Variants in OVCH1 observed in about 807,000 individuals in gnomAD.
OVCH1 encodes ovochymase-1.
A neutral mutation model predicts 138.4 loss-of-function variants in OVCH1; 139 were observed. The observed-to-expected ratio is 1.00, with a 90% CI of 0.87 to 1.16. The LOEUF is 1.16. Ranked by LOEUF, OVCH1 falls within the 50% of genes most tolerant of loss-of-function variation. The pLI is 0.00. For missense variants in OVCH1, 1,367 were observed against 1,357.9 expected, an observed-to-expected ratio of 1.01 and a Z score of -0.11; for synonymous variants, 453 against 467.8, an observed-to-expected ratio of 0.97 and a Z score of 0.41.
the OVCH1 span, among the ~76,000 whole-genome samples, chr12:29,403,376 G>A: frequency 6.6e-6 from 1 of 152,130 alleles, no homozygotes; most frequent in African/African-American, 2.4e-5. Flanking sequence ...TGTGTCATTT[G>A]ATAATCAATG....
chr12:29,469,708 CG>C (rs1436863297), intron 16 of OVCH1, among the ~76,000 whole-genome samples: 1 of 128,746 alleles, frequency 7.8e-6, no homozygotes, highest in Non-Finnish European at 1.7e-5. Flanking sequence ...AGCAAGACCC[CG>C]TGTCTTAAAA....
At chr12:29,412,094 G>A (rs1052612468), downstream of OVCH1, among the ~76,000 whole-genome samples, 21 of 152,200 alleles carry the variant, frequency 1.4e-4, no homozygotes, top group African/African-American at 3.9e-4. Context: ...CTCCATGGGC[G>A]TAGGACCCTC....
intron 3 of OVCH1, among the ~76,000 whole-genome samples, chr12:29,422,072 G>A (rs1592025449): frequency 6.6e-6 from 1 of 152,114 alleles, no homozygotes; most frequent in East Asian, 1.9e-4. Context: ...ACTCAAAACT[G>A]TTTTCACTGC....
intron 20 of OVCH1, 55 bp from the exon 21 acceptor site, chr12:29,454,988 T>C: frequency 3.5e-6 from 5 of 1,426,426 alleles, no homozygotes; most frequent in Non-Finnish European, 4.9e-6. Context: ...GAACAAAATA[T>C]AGTGGGCACT....
chr12:29,433,384 C>T lies in OVCH1; in HGVS notation c.3327+367G>A, dbSNP rs142997944. ...CTCTCTTGCCTGCTGCCACATAAGA[C>T]GTGCCTTTACTCCTCTTTCACCTTC... is the stretch of plus-strand genomic sequence containing the variant. On this transcript the variant is annotated intron_variant, in intron 27 of 27. Transcript: ENST00000318184. Among the ~76,000 whole-genome samples the T allele has an allele frequency of 7.9e-4, 121 of 152,240 alleles. 1 individual carries two copies. The East Asian group carries it at 0.021, about 27-fold the overall frequency.
the OVCH1 span, among the ~76,000 whole-genome samples, chr12:29,402,218 A>G: frequency 8.5e-5 from 13 of 152,308 alleles, no homozygotes; most frequent in Admixed American, 8.5e-4. Context: ...ATCTAATAAA[A>G]AGAAGAGATC....
In OVCH1 at chr12:29,477,474, C is replaced by A; in HGVS notation, c.1114-1G>T. ...GTGAAGGCAATATTTTTCCACAGACCTTACCTTAAAAGAAGAGAAGGAAAG... is the reference window on the plus strand; with the variant it reads ...GTGAAGGCAATATTTTTCCACAGACATTACCTTAAAAGAAGAGAAGGAAAG... On this transcript the variant is annotated splice_acceptor_variant, in intron 10 of 27. Coordinates refer to ENST00000318184, the Ensembl canonical transcript of OVCH1. LOFTEE classifies it high-confidence loss of function. 1.9e-6 allele frequency: 3 copies of A among 1,613,940 alleles called. No individual in the cohort carries two copies. Among genetic ancestry groups the A allele is most frequent in the Non-Finnish European group, 2.5e-6 (3 of 1,179,870 alleles).
chr12:29,419,373 C>T (rs1813641), intron 3 of OVCH1, among the ~76,000 whole-genome samples: 29,797 of 151,296 alleles, frequency 0.2, 3,127 homozygotes, highest in East Asian at 0.36. Flanking sequence ...CTGCAAGCTC[C>T]GCCTCCCAGG....
Position 29,487,742 on chromosome 12 carries a change from GA to G in OVCH1, c.842del (p.Phe281SerfsTer7). The G allele has an allele frequency of 6.2e-7, 1 of 1,605,416 alleles. No individual in the cohort carries two copies. Among genetic ancestry groups the G allele is most frequent in the Admixed American group, 1.7e-5 (1 of 58,922 alleles). ...AATCCATCAACTCAGACACTTTGGAGAAAATGCCAAGTGATGCCTTCACATG... is the reference window on the plus strand; with the variant it reads ...AATCCATCAACTCAGACACTTTGGAGAAATGCCAAGTGATGCCTTCACATG... On this transcript the variant is annotated frameshift_variant, in exon 7 of 28. Coordinates refer to ENST00000318184, the Ensembl canonical transcript of OVCH1. LOFTEE classifies it high-confidence loss of function.
At chr12:29,432,557 T>G (rs1232325577) in intron 27 of OVCH1, among the ~76,000 whole-genome samples, 1 of 152,160 alleles carries the variant, frequency 6.6e-6, no homozygotes, top group African/African-American at 2.4e-5. Flanking sequence ...AAGTTTGAGA[T>G]TCTTATTAGA....
chr12:29,495,843 C>T (rs977246255), intron 3 of OVCH1, among the ~76,000 whole-genome samples: 26 of 152,106 alleles, frequency 1.7e-4, no homozygotes, highest in African/African-American at 6.0e-4. Flanking sequence ...AGTTTTTTCC[C>T]TCCTAATGAT....
Position 29,445,362 on chromosome 12 carries a change from TC to T in OVCH1, c.2796del (p.Met932IlefsTer7). 1.2e-6 allele frequency: 2 copies of T among 1,610,960 alleles called. No individual in the cohort carries two copies. The highest frequency in any genetic ancestry group is 1.7e-6 in the Non-Finnish European group (2 of 1,177,706). On this transcript the variant is annotated frameshift_variant, in exon 23 of 28. Coordinates refer to ENST00000318184, the Ensembl canonical transcript of OVCH1. LOFTEE classifies it high-confidence loss of function. The stretch of plus-strand genomic sequence containing the variant: ...GTCACCCTCACCAGCGGTCCAGGAC[TC>T]ATGAAAGTCATTGAGTAAAGTCTTC...
At chr12:29,417,758 CAA>C (rs1941049881) in intron 3 of OVCH1, among the ~76,000 whole-genome samples, 2 of 112,294 alleles carry the variant, frequency 1.8e-5, no homozygotes, top group African/African-American at 3.0e-5. Context: ...ACCTGGCCTA[CAA>C]GTGTGTGTGT....
intron 8 of OVCH1, among the ~76,000 whole-genome samples, chr12:29,482,696 C>T (rs1199928987): frequency 6.6e-6 from 1 of 152,196 alleles, no homozygotes; most frequent in Non-Finnish European, 1.5e-5. Flanking sequence ...CTGCTCAGTT[C>T]AAGAAGTTTG....
intron 22 of OVCH1, among the ~76,000 whole-genome samples, chr12:29,448,524 C>T (rs1052866952): frequency 6.6e-6 from 1 of 151,732 alleles, no homozygotes; most frequent in Non-Finnish European, 1.5e-5. Flanking sequence ...ACAATGGCCC[C>T]GAGGTAAGAA....
At chr12:29,450,718 T>C (rs897146140) in intron 22 of OVCH1, among the ~76,000 whole-genome samples, 4 of 152,156 alleles carry the variant, frequency 2.6e-5, no homozygotes, top group Non-Finnish European at 2.9e-5. Flanking sequence ...CATGCACATG[T>C]ATGTTTATTG....
intron 22 of OVCH1, 128 bp from the exon 23 acceptor site, chr12:29,445,531 C>T (rs1023754525): frequency 3.1e-6 from 3 of 953,674 alleles, no homozygotes; most frequent in Non-Finnish European, 4.5e-6. Context: ...AATGATGAAA[C>T]AGGACTCCAG....
At chr12:29,486,348 C>T (rs749033180) in exon 8 of OVCH1, 1 of 1,609,494 alleles carries the variant, frequency 6.2e-7, no homozygotes, top group Non-Finnish European at 8.5e-7. Context: ...CCGATCCAAA[C>T]CTGTAAAAGG....
At chr12:29,451,556 T>G in exon 22 of OVCH1, 2 of 1,610,386 alleles carry the variant, frequency 1.2e-6, no homozygotes, top group Non-Finnish European at 1.7e-6. Context: ...CTAGCTCTGC[T>G]TCAGAGCAAC....
Sources: allele counts gnomAD v4.1 joint callset (sites outside exome capture counted in the v4.1 genomes callset), GRCh38; gene constraint gnomAD v4.1.1; transcripts MANE v1.5; gene names NCBI Gene and HGNC (gene_info 2026-07-23, HGNC 2026-07-21).